Variants in POLR1D observed in about 807,000 individuals in gnomAD.
POLR1D encodes the protein DNA-directed RNA polymerases I and III subunit RPAC2.
In POLR1D, 8 loss-of-function variants were observed where a neutral mutation model predicts 10.8. The observed-to-expected ratio is 0.74, with a 90% confidence interval of 0.43 to 1.33. POLR1D has a LOEUF of 1.33. POLR1D is among the 40% of genes most tolerant of loss of function. The pLI is 0.01. For synonymous variants in POLR1D, 54 were observed against 57.2 expected, an observed-to-expected ratio of 0.94 and a Z score of 0.25; for missense variants, 152 against 161.7, an observed-to-expected ratio of 0.94 and a Z score of 0.32.
At chr13:27,649,071 C>CA (rs71188788) in intron 2 of POLR1D, among the ~76,000 whole-genome samples, 2,887 of 151,178 alleles carry the variant, frequency 0.019, 32 homozygotes, top group South Asian at 0.056. Flanking sequence ...CAAAACAAAC[C>CA]AAAAAAAACA....
At chr13:27,666,283 A>G (rs745871311) in exon 3 of POLR1D, 44 of 249,754 alleles carry the variant, frequency 1.8e-4, no homozygotes, top group Non-Finnish European at 2.8e-4. Context: ...ACTGGTTCCA[A>G]TTTTTTGGTC....
At chr13:27,640,527 T>C (rs1956163688) in intron 1 of POLR1D, among the ~76,000 whole-genome samples, 1 of 137,880 alleles carries the variant, frequency 7.3e-6, no homozygotes. Context: ...GTGCTAAGCT[T>C]CCATTTTCTT....
intron 2 of POLR1D, among the ~76,000 whole-genome samples, chr13:27,659,581 C>CA (rs896774979): frequency 2.4e-4 from 36 of 152,192 alleles, no homozygotes; most frequent in African/African-American, 8.4e-4. Context: ...TGTCTGATAA[C>CA]ATGCTGAAAT....
intron 2 of POLR1D, chr13:27,664,941 AT>A (rs977151850): frequency 6.6e-6 from 1 of 152,224 alleles, no homozygotes; most frequent in Admixed American, 6.5e-5. Context: ...AAAATGAAAG[AT>A]TTATTAACAC....
chr13:27,648,849 G>A (rs1319662085), intron 2 of POLR1D, among the ~76,000 whole-genome samples: 1 of 152,162 alleles, frequency 6.6e-6, no homozygotes, highest in East Asian at 1.9e-4. Flanking sequence ...TTAACTGTAA[G>A]CATTTTGATT....
downstream of POLR1D, among the ~76,000 whole-genome samples, chr13:27,627,727 G>GTTTTTTTTTCTTTT (rs1956028666): frequency 1.0e-5 from 1 of 95,424 alleles, no homozygotes; most frequent in Non-Finnish European, 2.2e-5. Context: ...TAAAGTTTTA[G>GTTTTTTTTTCTTTT]TTTTTTTTTT....
chr13:27,635,130 A>G (rs2138537329), intron 1 of POLR1D, among the ~76,000 whole-genome samples: 1 of 152,298 alleles, frequency 6.6e-6, no homozygotes, highest in East Asian at 1.9e-4. Context: ...TGTTCTTTGT[A>G]AATCTTAAAC....
chr13:27,627,820 G>C (rs976028786), downstream of POLR1D, among the ~76,000 whole-genome samples: 5 of 142,558 alleles, frequency 3.5e-5, no homozygotes, highest in Admixed American at 2.2e-4. Context: ...GGGGACATTT[G>C]TAATAGTCCA....
At chr13:27,630,130 C>T (rs1255596926) in intron 1 of POLR1D, among the ~76,000 whole-genome samples, 1 of 152,058 alleles carries the variant, frequency 6.6e-6, no homozygotes, top group African/African-American at 2.4e-5. Flanking sequence ...ACAGGCTGGT[C>T]TTGAACTCCT....
downstream of POLR1D, among the ~76,000 whole-genome samples, chr13:27,627,715 C>T (rs561624211): frequency 5.5e-5 from 8 of 145,470 alleles, no homozygotes; most frequent in South Asian, 2.2e-4. Context: ...CTAGAACTGC[C>T]GTAAAGTTTT....
intron 2 of POLR1D, chr13:27,665,419 A>C: frequency 4.1e-6 from 2 of 491,662 alleles, no homozygotes; most frequent in Non-Finnish European, 7.4e-6. Flanking sequence ...ATACCTGTAC[A>C]TATGAACTTC....
chr13:27,655,537 T>G (rs1257260296), intron 2 of POLR1D, among the ~76,000 whole-genome samples: 1 of 152,212 alleles, frequency 6.6e-6, no homozygotes, highest in Non-Finnish European at 1.5e-5. Context: ...TTGATTAGAT[T>G]CAGGTCAAAC....
upstream of POLR1D, chr13:27,621,167 G>A (rs1331871343): frequency 6.5e-6 from 1 of 152,952 alleles, no homozygotes; most frequent in African/African-American, 2.4e-5. Flanking sequence ...CAGGTGAGGA[G>A]GTTTGAGGAG....
chr13:27,650,700 A>G (rs1472586840), intron 2 of POLR1D: 2 of 152,248 alleles, frequency 1.3e-5, no homozygotes, highest in African/African-American at 4.8e-5. Flanking sequence ...CAATGTACTC[A>G]TTTCAGAAAG....
chr13:27,654,895 A>T (rs1414403697), intron 2 of POLR1D, among the ~76,000 whole-genome samples: 1 of 152,184 alleles, frequency 6.6e-6, no homozygotes, highest in Non-Finnish European at 1.5e-5. Flanking sequence ...CCATCAGTGC[A>T]AATGTCAACC....
Position 27,662,623 on chromosome 13 carries a change from G to A in POLR1D, c.102-3063G>A, listed in dbSNP as rs1471893086. Among the ~76,000 whole-genome samples the A allele has an allele frequency of 2.0e-5, 3 of 152,176 alleles. No individual in the cohort carries two copies. The East Asian group carries it at 5.8e-4, about 29-fold the overall frequency. On this transcript the variant is annotated intron_variant, in intron 2 of 2. Coordinates refer to the POLR1D transcript ENST00000399697. ...CTGTATGCCAGATACCATGCTAAATGCCTTATACATTATCTCATTAAATCC... is the reference window on the plus strand; with the variant it reads ...CTGTATGCCAGATACCATGCTAAATACCTTATACATTATCTCATTAAATCC...
intron 1 of POLR1D, 106 bp downstream of exon 1, chr13:27,622,115 G>T: frequency 1.1e-6 from 1 of 937,612 alleles, no homozygotes; most frequent in South Asian, 1.4e-5. Flanking sequence ...TCGGGGCGCA[G>T]AGAAGAAGCA....
At chr13:27,643,149 G>A (rs911580175) in intron 1 of POLR1D, among the ~76,000 whole-genome samples, 1 of 152,074 alleles carries the variant, frequency 6.6e-6, no homozygotes, top group Admixed American at 6.6e-5. Flanking sequence ...GGCCCTAATA[G>A]CCTCTTCAGG....
At chr13:27,661,932 G>A (rs1250591365) in intron 2 of POLR1D, among the ~76,000 whole-genome samples, 6 of 152,104 alleles carry the variant, frequency 3.9e-5, no homozygotes, top group Admixed American at 1.3e-4. Flanking sequence ...TCTTGATCCC[G>A]GTGGCAATGG....
Sources: allele counts gnomAD v4.1 joint callset (sites outside exome capture counted in the v4.1 genomes callset), GRCh38; gene constraint gnomAD v4.1.1; transcripts MANE v1.5; gene names NCBI Gene and HGNC (gene_info 2026-07-23, HGNC 2026-07-21).